TGFBR3: variants seen among roughly 807,000 people sequenced by gnomAD.
The protein encoded by TGFBR3 is transforming growth factor beta receptor type 3.
A neutral mutation model predicts 87.9 loss-of-function variants in TGFBR3; 46 were observed. That is an observed-to-expected ratio of 0.52 (90% confidence interval 0.41 to 0.67). TGFBR3 has a LOEUF of 0.67. Ranked by LOEUF, TGFBR3 falls within the 30% of genes least tolerant of loss-of-function variation. The pLI is 0.00. For missense variants in TGFBR3, 866 were observed against 1,041.9 expected (o/e 0.83, Z 2.32); for synonymous variants, 381 against 391.6 (o/e 0.97, Z 0.32).
intron 12 of TGFBR3, 74 bp downstream of exon 12, chr1:91,716,162 G>C (rs1012849741): frequency 8.3e-6 from 13 of 1,573,608 alleles, no homozygotes; most frequent in African/African-American, 1.4e-5. Flanking sequence ...TCTGTACAGG[G>C]TATTTTAGCT....
At chr1:91,752,601 T>G (rs1221009557) in intron 4 of TGFBR3, among the ~76,000 whole-genome samples, 1 of 152,062 alleles carries the variant, frequency 6.6e-6, no homozygotes, top group Non-Finnish European at 1.5e-5. Flanking sequence ...ACTAGGTATT[T>G]TAGGTTATTA....
intron 4 of TGFBR3, among the ~76,000 whole-genome samples, chr1:91,751,363 C>G (rs888677082): frequency 6.6e-6 from 1 of 152,282 alleles, no homozygotes; most frequent in South Asian, 2.1e-4. Context: ...TTACACATCA[C>G]TTGGCTTCAT....
chr1:91,777,050 C>T (rs1201024264), intron 3 of TGFBR3, among the ~76,000 whole-genome samples: 1 of 152,210 alleles, frequency 6.6e-6, no homozygotes, highest in Non-Finnish European at 1.5e-5. Context: ...AAAACTCAAT[C>T]ACCTGTGCTC....
In TGFBR3 at chr1:91,683,075, T is replaced by C. The variant is rs1406187513; in HGVS notation, c.*664A>G. The C allele has an allele frequency of 4.4e-6, 2 of 454,526 alleles. No homozygotes were observed. Among genetic ancestry groups the C allele is most frequent in the South Asian group, 3.1e-5 (2 of 64,470 alleles). 28.2% of individuals were successfully genotyped at this position (454,526 alleles called of 1,614,324 possible). A position where few individuals can be genotyped will look rare whatever the true frequency, so the allele number is the denominator to read the frequency against. On this transcript the variant is annotated 3_prime_UTR_variant, in exon 17 of 17. Transcript: ENST00000212355. ...AGTATGGGAAGAAACAGGAAGCTGA[T>C]AAGGTCATCAGCATTGGTTTTGGCC...
At chr1:91,840,475 AATATCAT>A (rs1677229674) in intron 2 of TGFBR3, among the ~76,000 whole-genome samples, 2 of 143,356 alleles carry the variant, frequency 1.4e-5, no homozygotes, top group African/African-American at 5.1e-5. Flanking sequence ...ATGATTTTGT[AATATCAT>A]GCATGATTTT....
intron 16 of TGFBR3, among the ~76,000 whole-genome samples, chr1:91,685,809 A>C (rs748154857): frequency 6.6e-6 from 1 of 152,108 alleles, no homozygotes; most frequent in Non-Finnish European, 1.5e-5. Context: ...TCTCTTAACT[A>C]TTCTGAGGTC....
intron 13 of TGFBR3, among the ~76,000 whole-genome samples, 186 bp downstream of exon 13, chr1:91,712,057 C>T (rs774904528): frequency 5.9e-5 from 9 of 152,208 alleles, no homozygotes; most frequent in Non-Finnish European, 1.0e-4. Context: ...AAAAGAAACT[C>T]ATGCTGTCAG....
At chr1:91,809,302 T>C (rs893684940) in intron 2 of TGFBR3, among the ~76,000 whole-genome samples, 17 of 152,080 alleles carry the variant, frequency 1.1e-4, no homozygotes, top group African/African-American at 4.1e-4. Context: ...GAAAGAGAGG[T>C]AAGAATGTGT....
intron 2 of TGFBR3, among the ~76,000 whole-genome samples, chr1:91,810,140 C>G (rs1675979294): frequency 6.6e-6 from 1 of 152,114 alleles, no homozygotes; most frequent in South Asian, 2.1e-4. Flanking sequence ...CTCACTGCAA[C>G]CTCTACCTTC....
chr1:91,722,931 A>G (rs964675999), intron 7 of TGFBR3, among the ~76,000 whole-genome samples: 16 of 152,350 alleles, frequency 1.1e-4, no homozygotes, highest in African/African-American at 3.6e-4. Context: ...ACTGAACCAT[A>G]TTATATGCTC....
upstream of TGFBR3, among the ~76,000 whole-genome samples, chr1:91,886,934 A>C (rs1466742451): frequency 2.0e-5 from 3 of 152,030 alleles, no homozygotes; most frequent in Admixed American, 1.3e-4. Flanking sequence ...CGTCCTAAGT[A>C]CCTGTGCCTG....
intron 2 of TGFBR3, among the ~76,000 whole-genome samples, chr1:91,807,705 T>C (rs938315502): frequency 1.3e-5 from 2 of 152,198 alleles, no homozygotes; most frequent in African/African-American, 4.8e-5. Flanking sequence ...TCTGAGGAAG[T>C]GGTGCTGTTA....
intron 2 of TGFBR3, among the ~76,000 whole-genome samples, chr1:91,800,238 A>AT (rs1675552239): frequency 7.9e-6 from 1 of 126,650 alleles, no homozygotes; most frequent in African/African-American, 3.2e-5. Context: ...CAAAAAAAAA[A>AT]AAAATATATA....
intron 2 of TGFBR3, among the ~76,000 whole-genome samples, chr1:91,897,220 T>C (rs1275173605): frequency 6.6e-6 from 1 of 152,240 alleles, no homozygotes; most frequent in Non-Finnish European, 1.5e-5. Flanking sequence ...GGTATTGTAC[T>C]GTCAAATGTA....
At position 91,842,297 on chromosome 1, in the gene TGFBR3, C is replaced by T. The variant is rs116665122; in HGVS notation, c.61+19174G>A. 1.4e-3 allele frequency among the ~76,000 whole-genome samples: 220 copies of T among 152,190 alleles called. 2 individuals carry two copies. The highest frequency in any genetic ancestry group is 4.9e-3 in the African/African-American group (205 of 41,526). ...GCAAGATAAGAAGGAATAGGAGTTT[C>T]TGTGGTTAGAGAGGGATTACAATTT... On this transcript the variant is annotated intron_variant, in intron 2 of 16. Coordinates refer to ENST00000212355, the MANE Select transcript of TGFBR3 (RefSeq NM_003243.5).
chr1:91,753,060 GT>G (rs1252051268), intron 4 of TGFBR3, among the ~76,000 whole-genome samples: 4 of 151,256 alleles, frequency 2.6e-5, no homozygotes, highest in Admixed American at 6.6e-5. Context: ...AAAAAATCAG[GT>G]ACATGGAATA....
intron 2 of TGFBR3, chr1:91,801,019 G>T (rs958098726): frequency 4.5e-6 from 1 of 219,918 alleles, no homozygotes; most frequent in Non-Finnish European, 9.5e-6. Flanking sequence ...GGAGGCGGAG[G>T]TTGCAGTGAG....
chr1:91,775,148 G>A (rs567143049), intron 3 of TGFBR3, among the ~76,000 whole-genome samples: 12 of 152,176 alleles, frequency 7.9e-5, no homozygotes, highest in African/African-American at 2.4e-4. Context: ...GGAACTATTC[G>A]CATTTCTCCT....
rs771300709 is a variant in TGFBR3 at position 91,683,827 on chromosome 1, G to A, written c.2468C>T (p.Thr823Ile). The A allele has an allele frequency of 6.2e-7, 1 of 1,606,330 alleles. No homozygotes were observed. The highest frequency in any genetic ancestry group is 1.1e-5 in the South Asian group (1 of 89,290). Residue 823 changes from threonine (T) to isoleucine (I), a missense_variant, in exon 17 of 17, where the codon ACC becomes ATC. Thr to Ile is a moderately conservative substitution (Grantham distance 89, BLOSUM62 -1). Coordinates refer to ENST00000212355, the MANE Select transcript of TGFBR3 (RefSeq NM_003243.5). ...GCTGTTTTCCGAGGCTGGCGGGGAG[G>A]TGGGGACTTGCTGCCTTCCTGCTGT... is the stretch of plus-strand genomic sequence containing the variant. Reference protein sequence around the residue: ...GETAGRQQVPTSPPASENSSA... With the variant: ...GETAGRQQVPISPPASENSSA...
Sources: allele counts gnomAD v4.1 joint callset (sites outside exome capture counted in the v4.1 genomes callset), GRCh38; gene constraint gnomAD v4.1.1; transcripts MANE v1.5; gene names NCBI Gene and HGNC (gene_info 2026-07-23, HGNC 2026-07-21).